CUX1: variants seen among roughly 807,000 people sequenced by gnomAD.
The protein encoded by CUX1 is protein CASP.
Under a neutral mutation model 158.8 loss-of-function variants are expected in CUX1, and 31 were observed. The ratio of observed to expected loss-of-function variants is 0.20; its 90% CI spans 0.15 to 0.26. The LOEUF is 0.26. Among genes scored for constraint, CUX1 ranks in the 10% least tolerant of loss-of-function variants. CUX1 has a pLI of 1.00. For missense variants in CUX1, 1,589 were observed against 2,014.6 expected (o/e 0.79, Z 4.04); for synonymous variants, 879 against 862.1 (o/e 1.02, Z -0.34).
chr7:101,841,019 G>A (rs984510177), intron 1 of CUX1, among the ~76,000 whole-genome samples: 2 of 151,716 alleles, frequency 1.3e-5, no homozygotes, highest in Non-Finnish European at 2.9e-5. Flanking sequence ...TTAGCCTCTC[G>A]AGTAGCTGGG....
chr7:102,124,438 T>G (rs1832388343), intron 8 of CUX1, among the ~76,000 whole-genome samples: 1 of 152,366 alleles, frequency 6.6e-6, no homozygotes, highest in South Asian at 2.1e-4. Context: ...GTGACCTATG[T>G]GCCCAGCTTC....
rs1554518536 is a variant in CUX1, at chr7:102,196,974, T to A, written c.1563T>A (p.Ser521Arg). Residue 521 changes from serine to arginine, a missense_variant, in exon 15 of 24, where the codon AGT becomes AGA. Transcript: ENST00000292535. Reference sequence around the variant, plus strand: ...GCACAAACTCCATATCTTCCCAAAGTCCATTACAACAAAGCCCAGATGTCA... The same window carrying A: ...GCACAAACTCCATATCTTCCCAAAGACCATTACAACAAAGCCCAGATGTCA... ...PYSTNSISSQSPLQQSPDVNG... is the reference protein window; with the variant it reads ...PYSTNSISSQRPLQQSPDVNG... 6 of 1,614,140 alleles carry A rather than the reference T, an allele frequency of 3.7e-6. No homozygotes were observed. Among genetic ancestry groups the A allele is most frequent in the Non-Finnish European group, 5.1e-6 (6 of 1,180,028 alleles).
At chr7:101,846,227 G>C (rs1349609324) in intron 1 of CUX1, among the ~76,000 whole-genome samples, 5 of 152,236 alleles carry the variant, frequency 3.3e-5, no homozygotes, top group African/African-American at 1.2e-4. Flanking sequence ...AGCTCTCCCA[G>C]CATAGATGGC....
chr7:102,185,833 C>T lies in CUX1; in HGVS notation c.1018-3980C>T, dbSNP rs79026280. ...GCATCTCACTTCCTCCCTGCAGGCA[C>T]GTAGGACCGGCCTCAGCTCTGTCAA... On this transcript the variant is annotated intron_variant, in intron 11 of 23. Coordinates refer to ENST00000292535, the MANE Select transcript of CUX1 (RefSeq NM_181552.4). Among the ~76,000 whole-genome samples the T allele has an allele frequency of 8.6e-4, 131 of 152,220 alleles. 2 individuals carry two copies. The East Asian group carries it at 0.023, about 26-fold the overall frequency.
chr7:101,839,721 C>T (rs1414818457), intron 1 of CUX1, among the ~76,000 whole-genome samples: 2 of 151,466 alleles, frequency 1.3e-5, no homozygotes, highest in South Asian at 2.1e-4. Flanking sequence ...TTTGCAAGAG[C>T]TCCTTGTATG....
intron 3 of CUX1, among the ~76,000 whole-genome samples, chr7:102,051,057 C>A (rs1823433354): frequency 6.6e-6 from 1 of 152,160 alleles, no homozygotes; most frequent in Non-Finnish European, 1.5e-5. Context: ...GCTGCCCCCA[C>A]CCCGGGCGTG....
rs782164023 is a variant in CUX1, at chr7:102,248,407, T to C, written c.3888-5T>C. 1.3e-6 allele frequency: 2 copies of C among 1,588,488 alleles called. No individual in the cohort carries two copies. The highest frequency in any genetic ancestry group is 1.7e-6 in the Non-Finnish European group (2 of 1,172,712). On this transcript the variant is annotated splice_region_variant and splice_polypyrimidine_tract_variant and intron_variant, in intron 23 of 23. Transcript: ENST00000292535. This position sits in a 1 kb window ranked among gnomAD's most constrained non-coding sequence, Gnocchi z 5.8. ...CTCACGTCCCCGCCGCTTGTTGTCT[T>C]GTAGGTCTCGGATCCGCAGAGAACT...
intron 21 of CUX1, among the ~76,000 whole-genome samples, chr7:102,230,305 G>C (rs448591): frequency 1.3e-5 from 2 of 151,016 alleles, no homozygotes; most frequent in East Asian, 3.9e-4. Flanking sequence ...GTGAGACCCC[G>C]TCTCTACAAA....
intron 1 of CUX1, among the ~76,000 whole-genome samples, chr7:101,842,171 T>C (rs1795246329): frequency 6.6e-6 from 1 of 152,202 alleles, no homozygotes; most frequent in South Asian, 2.1e-4. Flanking sequence ...TAATCCTGGT[T>C]CTTTGGAATC....
chr7:102,120,183 G>A (rs1012993107), intron 8 of CUX1, among the ~76,000 whole-genome samples: 3 of 152,120 alleles, frequency 2.0e-5, no homozygotes, highest in Admixed American at 6.6e-5. Context: ...CAGGAATGTC[G>A]CCCTCCCAGC....
At chr7:102,070,892 T>C (rs1428721569) in intron 4 of CUX1, among the ~76,000 whole-genome samples, 1 of 152,144 alleles carries the variant, frequency 6.6e-6, no homozygotes, top group African/African-American at 2.4e-5. Context: ...GGGCAGAGGG[T>C]AACTGATAAT....
At chr7:102,199,628 C>A (rs1350923235) in intron 16 of CUX1, among the ~76,000 whole-genome samples, 1 of 152,242 alleles carries the variant, frequency 6.6e-6, no homozygotes, top group Non-Finnish European at 1.5e-5. Context: ...GATTGATAGA[C>A]AATCAGCCTC....
At chr7:101,968,176 A>G (rs1341128680) in intron 2 of CUX1, among the ~76,000 whole-genome samples, 1 of 152,000 alleles carries the variant, frequency 6.6e-6, no homozygotes, top group Non-Finnish European at 1.5e-5. Context: ...AAATGCCAGG[A>G]TTACAGGCAT....
chr7:102,161,274 G>A (rs2131596131), intron 9 of CUX1: 1 of 152,318 alleles, frequency 6.6e-6, no homozygotes, highest in South Asian at 2.1e-4. Flanking sequence ...CTTGAGTCCA[G>A]GAGGTAGAGG....
At chr7:102,053,112 A>G (rs1298522334) in intron 3 of CUX1, among the ~76,000 whole-genome samples, 4 of 152,022 alleles carry the variant, frequency 2.6e-5, no homozygotes, top group Non-Finnish European at 5.9e-5. Flanking sequence ...AGCCGGCCCC[A>G]TTATATGTCT....
rs1183945317 is a variant in CUX1, at chr7:102,069,326, TC to T, written c.190-1011del. 5.3e-5 allele frequency among the ~76,000 whole-genome samples: 8 copies of T among 152,102 alleles called. No homozygotes were observed. The South Asian group carries it at 1.7e-3, about 32-fold the overall frequency. ...GTCACCCACAGCTCCTGCATATGTA[TC>T]CGCGTTCCCACCTGGCAGACTCTCG... is the stretch of plus-strand genomic sequence containing the variant. On this transcript the variant is annotated intron_variant, in intron 3 of 23. Transcript: ENST00000292535.
At chr7:102,078,617 C>A (rs148562282) in intron 4 of CUX1, among the ~76,000 whole-genome samples, 5 of 152,174 alleles carry the variant, frequency 3.3e-5, no homozygotes, top group African/African-American at 1.2e-4. Context: ...AGATTTAAAT[C>A]TTAGGAAGCA....
chr7:102,108,736 T>TTGTGTGTGTGTG (rs10527026), intron 6 of CUX1, among the ~76,000 whole-genome samples: 4,200 of 144,998 alleles, frequency 0.029, 109 homozygotes, highest in African/African-American at 0.072. Flanking sequence ...TTCATTCATT[T>TTGTGTGTGTGTG]TGTGTGTGTG....
In CUX1 at chr7:102,257,415, C is replaced by G. The variant is rs1554542434; in HGVS notation, c.*8373C>G. On this transcript the variant is annotated 3_prime_UTR_variant, in exon 24 of 24. Coordinates refer to ENST00000292535, the MANE Select transcript of CUX1 (RefSeq NM_181552.4). ...CATCTCACGTACCCCCATCTGAGAC[C>G]TCTTGGAAAAAAAAAATCCCGTGTA... 1 of 984,582 alleles carries G rather than the reference C, an allele frequency of 1.0e-6. No individual in the cohort carries two copies. The highest frequency in any genetic ancestry group is 6.2e-5 in the Admixed American group (1 of 16,214). 61.0% of individuals were successfully genotyped at this position (984,582 alleles called of 1,614,324 possible).
Sources: allele counts gnomAD v4.1 joint callset (sites outside exome capture counted in the v4.1 genomes callset), GRCh38; gene constraint gnomAD v4.1.1; non-coding constraint Gnocchi (gnomAD v3.1); transcripts MANE v1.5; gene names NCBI Gene and HGNC (gene_info 2026-07-23, HGNC 2026-07-21).